Variants in ADGRL3 observed in about 807,000 individuals in gnomAD.
ADGRL3 encodes the protein calcium-independent alpha-latrotoxin receptor 3.
ADGRL3 carries 62 observed loss-of-function variants against 153.5 expected under a neutral mutation model. That is an observed-to-expected ratio of 0.40 (90% CI 0.33 to 0.50). ADGRL3 has a LOEUF of 0.50. Among genes scored for constraint, ADGRL3 ranks in the 20% least tolerant of loss-of-function variants. The pLI is 0.47. For synonymous variants in ADGRL3, 710 were observed against 672.5 expected (o/e 1.06, Z -0.86); for missense variants, 1,641 against 1,859.4 (o/e 0.88, Z 2.16).
chr4:61,548,656 T>C (rs1113996), intron 4 of ADGRL3, among the ~76,000 whole-genome samples: 103,517 of 151,724 alleles, frequency 0.68, 36,761 homozygotes, highest in East Asian at 0.91. Context: ...TGTACTAATA[T>C]CATGCTTTTT....
At chr4:61,304,800 A>C (rs1251589967) in intron 1 of ADGRL3, among the ~76,000 whole-genome samples, 5 of 152,264 alleles carry the variant, frequency 3.3e-5, no homozygotes, top group Middle Eastern at 3.4e-3. Context: ...AGTGTTACTC[A>C]TGTAGTGAAT....
intron 13 of ADGRL3, among the ~76,000 whole-genome samples, chr4:61,929,702 CA>C (rs1381075786): frequency 6.6e-6 from 1 of 152,078 alleles, no homozygotes; most frequent in African/African-American, 2.4e-5. Flanking sequence ...GATAGTTGTG[CA>C]GGGAAACAAA....
intron 25 of ADGRL3, among the ~76,000 whole-genome samples, chr4:62,051,436 T>C (rs1258298348): frequency 6.6e-6 from 1 of 151,444 alleles, no homozygotes; most frequent in Non-Finnish European, 1.5e-5. Context: ...AAATGAAATA[T>C]ATGAAATATT....
intron 8 of ADGRL3, among the ~76,000 whole-genome samples, chr4:61,799,424 A>G (rs2097461017): frequency 1.3e-5 from 2 of 151,972 alleles, no homozygotes; most frequent in East Asian, 1.9e-4. Context: ...TTCTCTTTCT[A>G]TAACTACTTC....
At chr4:61,312,328 A>G (rs1387606762) in intron 1 of ADGRL3, among the ~76,000 whole-genome samples, 1 of 152,216 alleles carries the variant, frequency 6.6e-6, no homozygotes, top group Non-Finnish European at 1.5e-5. Flanking sequence ...ATCCTAGAAA[A>G]TAACATATGA....
intron 5 of ADGRL3, among the ~76,000 whole-genome samples, chr4:61,634,661 A>T (rs2093339179): frequency 6.6e-6 from 1 of 152,204 alleles, no homozygotes; most frequent in Non-Finnish European, 1.5e-5. Context: ...AGGGGTAATT[A>T]AAAAGAAATG....
intron 5 of ADGRL3, among the ~76,000 whole-genome samples, chr4:61,622,211 A>T (rs1221233995): frequency 6.6e-6 from 1 of 152,142 alleles, no homozygotes; most frequent in Admixed American, 6.6e-5. Context: ...CTTCATTTTC[A>T]TTTAAAATAT....
intron 13 of ADGRL3, among the ~76,000 whole-genome samples, chr4:61,918,039 A>G (rs1471988299): frequency 6.6e-6 from 1 of 152,228 alleles, no homozygotes; most frequent in Non-Finnish European, 1.5e-5. Context: ...AGTAGCCAAC[A>G]GCAAGAAAAG....
At chr4:61,558,468 T>C (rs950237334) in intron 4 of ADGRL3, among the ~76,000 whole-genome samples, 2 of 151,848 alleles carry the variant, frequency 1.3e-5, no homozygotes, top group African/African-American at 4.8e-5. Flanking sequence ...CTTTTACCAA[T>C]ACTAGAGACC....
At chr4:61,361,954 C>CT (rs1169761458) in intron 1 of ADGRL3, among the ~76,000 whole-genome samples, 1 of 147,968 alleles carries the variant, frequency 6.8e-6, no homozygotes, top group Non-Finnish European at 1.5e-5. Flanking sequence ...CTGAGGAAGG[C>CT]TTTTTTTAAT....
intron 8 of ADGRL3, chr4:61,775,421 T>TGC: frequency 2.9e-6 from 2 of 679,334 alleles, no homozygotes; most frequent in Non-Finnish European, 5.5e-6. Flanking sequence ...TGTGTGTGTG[T>TGC]GTGTGTGTGT....
intron 1 of ADGRL3, among the ~76,000 whole-genome samples, chr4:61,361,454 A>T (rs1374593999): frequency 1.3e-5 from 2 of 152,194 alleles, no homozygotes; most frequent in African/African-American, 4.8e-5. Context: ...GAAAGTAAAG[A>T]GTAAAATGAA....
Position 61,895,711 on chromosome 4 carries a change from C to G in ADGRL3, c.1784-20C>G, listed in dbSNP as rs2098626967. ...TCATTCTAAGAAAAAGAAACAGATA[C>G]ATTTCTCTCATTATTACAGGTGTAT... is the stretch of plus-strand genomic sequence containing the variant. On this transcript the variant is annotated intron_variant, in intron 10 of 26. Coordinates refer to ENST00000683033, the MANE Select transcript of ADGRL3 (RefSeq NM_001387552.1). The G allele has an allele frequency of 1.5e-6, 2 of 1,303,108 alleles. No individual in the cohort carries two copies. The highest frequency in any genetic ancestry group is 4.8e-5 in the East Asian group (2 of 41,558). The allele number at this position is 1,303,108 out of a possible 1,614,324, so 80.7% of individuals were successfully genotyped here.
chr4:61,685,382 A>G (rs2095423832), intron 6 of ADGRL3, among the ~76,000 whole-genome samples: 1 of 152,164 alleles, frequency 6.6e-6, no homozygotes, highest in South Asian at 2.1e-4. Context: ...ATGAACCAAT[A>G]CATGTAAATA....
rs4038726 is a variant in ADGRL3 at position 61,338,393 on chromosome 4, C to CTG, written c.-239-44708_-239-44707dup. ...AGTATGATTATCATTCAGTGTGTGTCTGTGTGTGTGTGTGTGTGTGTGTGA... is the reference window on the plus strand; with the variant it reads ...AGTATGATTATCATTCAGTGTGTGTCTGTGTGTGTGTGTGTGTGTGTGTGTGA... On this transcript the variant is annotated intron_variant, in intron 1 of 26. Transcript: ENST00000683033. Among the ~76,000 whole-genome samples the CTG allele has an allele frequency of 5.2e-3, 780 of 149,930 alleles. 5 individuals are homozygous for CTG. Among genetic ancestry groups the CTG allele is most frequent in the Middle Eastern group, 0.017 (5 of 294 alleles).
intron 1 of ADGRL3, among the ~76,000 whole-genome samples, chr4:61,331,964 T>G (rs529585639): frequency 6.6e-6 from 1 of 152,174 alleles, no homozygotes; most frequent in African/African-American, 2.4e-5. Context: ...AGTGGACAAG[T>G]GGCTTAAAGG....
chr4:61,587,738 A>G (rs1277664987), intron 5 of ADGRL3, among the ~76,000 whole-genome samples: 1 of 152,048 alleles, frequency 6.6e-6, no homozygotes, highest in Non-Finnish European at 1.5e-5. Flanking sequence ...GAATAAATGT[A>G]TTTTTCACAA....
intron 17 of ADGRL3, among the ~76,000 whole-genome samples, chr4:61,961,006 C>A (rs781675018): frequency 2.0e-5 from 3 of 152,126 alleles, no homozygotes; most frequent in Non-Finnish European, 4.4e-5. Flanking sequence ...CTGCACCTGG[C>A]CTAGTTTTTA....
chr4:62,038,183 T>C (rs1306873837), intron 24 of ADGRL3, among the ~76,000 whole-genome samples: 1 of 152,180 alleles, frequency 6.6e-6, no homozygotes, highest in African/African-American at 2.4e-5. Context: ...AAATGTGATA[T>C]ATTGATATGA....
Sources: gnomAD v4.1 joint callset for allele counts (sites outside exome capture counted in the v4.1 genomes callset) on GRCh38, gnomAD v4.1.1 for gene constraint, MANE v1.5 for transcripts, NCBI Gene and HGNC (gene_info 2026-07-23, HGNC 2026-07-21) for gene names.